The following PHACTR1 variants were observed in gnomAD, a reference collection of about 807,000 sequenced individuals.
PHACTR1 encodes the protein RPEL repeat containing 1.
A neutral mutation model predicts 69.2 loss-of-function variants in PHACTR1; 16 were observed. The observed-to-expected ratio is 0.23, with a 90% confidence interval of 0.16 to 0.35. The LOEUF is 0.35. Ranked by LOEUF, PHACTR1 falls within the 10% of genes least tolerant of loss-of-function variation. PHACTR1 has a pLI of 1.00. For missense variants in PHACTR1, 510 were observed against 734.7 expected (o/e 0.69, Z 3.54); for synonymous variants, 312 against 284.5 (o/e 1.10, Z -0.97).
At chr6:12,942,728 C>T (rs1790182818) in intron 4 of PHACTR1, among the ~76,000 whole-genome samples, 1 of 152,228 alleles carries the variant, frequency 6.6e-6, no homozygotes, top group Admixed American at 6.5e-5. Context: ...TACAGTCCAA[C>T]TCCAATGCCC....
At chr6:12,997,340 T>A (rs910171788) in intron 4 of PHACTR1, among the ~76,000 whole-genome samples, 71 of 147,694 alleles carry the variant, frequency 4.8e-4, no homozygotes, top group Middle Eastern at 3.6e-3. Context: ...TTTATATATA[T>A]AAGTAAATCT....
At chr6:12,944,117 C>T (rs1234018072) in intron 4 of PHACTR1, among the ~76,000 whole-genome samples, 1 of 152,152 alleles carries the variant, frequency 6.6e-6, no homozygotes, top group Non-Finnish European at 1.5e-5. Flanking sequence ...CTACTGATAA[C>T]AAAAGGGATG....
At chr6:12,951,271 C>T (rs1791260717) in intron 4 of PHACTR1, among the ~76,000 whole-genome samples, 1 of 152,142 alleles carries the variant, frequency 6.6e-6, no homozygotes, top group South Asian at 2.1e-4. Context: ...ATCCTTTGAC[C>T]TCATACCTTT....
chr6:12,905,299 G>T (rs1785609294), intron 4 of PHACTR1, among the ~76,000 whole-genome samples: 1 of 152,220 alleles, frequency 6.6e-6, no homozygotes, highest in Non-Finnish European at 1.5e-5. Flanking sequence ...TTCAAGGTAA[G>T]ATCCATTGGA....
At chr6:12,964,924 G>T (rs1793241205) in intron 4 of PHACTR1, among the ~76,000 whole-genome samples, 1 of 151,906 alleles carries the variant, frequency 6.6e-6, no homozygotes, top group Admixed American at 6.6e-5. Flanking sequence ...ATATCCATAG[G>T]GAACCACAGT....
At chr6:13,216,695 T>C (rs761141686) in intron 8 of PHACTR1, among the ~76,000 whole-genome samples, 11 of 152,214 alleles carry the variant, frequency 7.2e-5, no homozygotes, top group Non-Finnish European at 1.0e-4. Context: ...TTAAAGCCTA[T>C]ATTTATCATC....
At chr6:12,758,469 A>T (rs1767629223) in intron 4 of PHACTR1, among the ~76,000 whole-genome samples, 1 of 148,974 alleles carries the variant, frequency 6.7e-6, no homozygotes, top group South Asian at 2.1e-4. Flanking sequence ...CTCTTTCTAA[A>T]AAAAAAAAAA....
intron 5 of PHACTR1, among the ~76,000 whole-genome samples, chr6:13,102,838 A>G (rs576770013): frequency 3.3e-5 from 5 of 152,214 alleles, no homozygotes; most frequent in Non-Finnish European, 7.3e-5. Context: ...TATGTTATTC[A>G]TATGCAAATC....
intron 7 of PHACTR1, among the ~76,000 whole-genome samples, chr6:13,198,196 T>C (rs909197641): frequency 1.3e-5 from 2 of 152,204 alleles, no homozygotes; most frequent in African/African-American, 4.8e-5. Context: ...CCACGCTCAG[T>C]GAAATTTAAT....
At chr6:13,262,090 TGGA>T (rs1775995256) in intron 10 of PHACTR1, among the ~76,000 whole-genome samples, 1 of 152,144 alleles carries the variant, frequency 6.6e-6, no homozygotes, top group Non-Finnish European at 1.5e-5. Context: ...CTGTATGGGC[TGGA>T]GGAGGACCAG....
chr6:12,969,977 A>AAAACAAT, intron 4 of PHACTR1, among the ~76,000 whole-genome samples: 1 of 152,328 alleles, frequency 6.6e-6, no homozygotes, highest in African/African-American at 2.4e-5. Flanking sequence ...CAAAAAACAA[A>AAAACAAT]AAACAAAACA....
chr6:13,077,164 A>G (rs1349111905), intron 5 of PHACTR1, among the ~76,000 whole-genome samples: 2 of 143,802 alleles, frequency 1.4e-5, no homozygotes, highest in Non-Finnish European at 3.0e-5. Flanking sequence ...AAAAGATGAA[A>G]TGATGCAAGC....
intron 5 of PHACTR1, among the ~76,000 whole-genome samples, chr6:13,069,023 C>T (rs1008114544): frequency 3.3e-5 from 5 of 152,094 alleles, no homozygotes; most frequent in African/African-American, 1.2e-4. Context: ...AATATGGTCA[C>T]CCTGTACAAA....
chr6:13,214,804 A>G (rs906479121), intron 8 of PHACTR1, among the ~76,000 whole-genome samples: 1 of 152,204 alleles, frequency 6.6e-6, no homozygotes, highest in Admixed American at 6.5e-5. Context: ...TGTTACTAGT[A>G]TCATTCATGC....
At chr6:12,749,083 A>T (rs1263764655) in intron 3 of PHACTR1, among the ~76,000 whole-genome samples, 2 of 152,222 alleles carry the variant, frequency 1.3e-5, no homozygotes, top group Admixed American at 1.3e-4. Flanking sequence ...CAGGGCTTGC[A>T]CCCCAGAAGT....
At chr6:12,756,187 G>C (rs990582986) in intron 4 of PHACTR1, among the ~76,000 whole-genome samples, 3 of 152,142 alleles carry the variant, frequency 2.0e-5, no homozygotes, top group African/African-American at 7.2e-5. Context: ...ATTCAGGTGG[G>C]AACAGAAGAC....
At chr6:13,156,608 T>C (rs1758210807) in intron 5 of PHACTR1, among the ~76,000 whole-genome samples, 1 of 152,220 alleles carries the variant, frequency 6.6e-6, no homozygotes, top group Non-Finnish European at 1.5e-5. Flanking sequence ...CACATTCTCA[T>C]TTAACTTCCC....
chr6:12,902,436 C>T (rs114107616), intron 4 of PHACTR1, among the ~76,000 whole-genome samples: 1 of 152,082 alleles, frequency 6.6e-6, no homozygotes, highest in African/African-American at 2.4e-5. Flanking sequence ...AAATAAAGAA[C>T]CTACTATAAT....
chr6:13,270,661 A>G (rs368560869), intron 10 of PHACTR1, among the ~76,000 whole-genome samples: 21 of 152,318 alleles, frequency 1.4e-4, no homozygotes, highest in African/African-American at 5.1e-4. Context: ...ATGTTCTTAT[A>G]CTCTTAAAAA....
Sources: allele counts gnomAD v4.1 joint callset (sites outside exome capture counted in the v4.1 genomes callset), GRCh38; gene constraint gnomAD v4.1.1; transcripts MANE v1.5; gene names NCBI Gene and HGNC (gene_info 2026-07-23, HGNC 2026-07-21).